Variants in GRID1 observed in about 807,000 individuals in gnomAD.
The protein encoded by GRID1 is glutamate receptor ionotropic, delta-1.
GRID1 carries 28 observed loss-of-function variants against 98.0 expected under a neutral mutation model. The ratio of observed to expected loss-of-function variants is 0.29; its 90% confidence interval spans 0.21 to 0.39. The LOEUF is 0.39. GRID1 is among the 10% of genes least tolerant of loss of function. The pLI is 1.00. For synonymous variants in GRID1, 553 were observed against 538.5 expected, an observed-to-expected ratio of 1.03 and a Z score of -0.37; for missense variants, 1,111 against 1,340.5, an observed-to-expected ratio of 0.83 and a Z score of 2.67.
intron 14 of GRID1, among the ~76,000 whole-genome samples, chr10:85,614,755 G>A (rs1321651405): frequency 6.6e-6 from 1 of 152,126 alleles, no homozygotes; most frequent in East Asian, 1.9e-4. Context: ...GGGCATGAGA[G>A]GCAGTTTCGA....
chr10:86,120,720 A>T (rs1197833909), intron 4 of GRID1, among the ~76,000 whole-genome samples: 1 of 152,234 alleles, frequency 6.6e-6, no homozygotes, highest in African/African-American at 2.4e-5. Flanking sequence ...ATTAATGTCA[A>T]GGTATTGTCA....
intron 2 of GRID1, among the ~76,000 whole-genome samples, chr10:86,300,592 T>G (rs1564732986): frequency 6.7e-6 from 1 of 148,888 alleles, no homozygotes; most frequent in Non-Finnish European, 1.5e-5. Flanking sequence ...GAGCTTTTCC[T>G]TAAATAGAGT....
chr10:85,789,603 C>T (rs946461718), intron 8 of GRID1, among the ~76,000 whole-genome samples: 1 of 152,146 alleles, frequency 6.6e-6, no homozygotes, highest in African/African-American at 2.4e-5. Context: ...TCAGAGGATG[C>T]CCTTTCAGCT....
intron 8 of GRID1, among the ~76,000 whole-genome samples, chr10:85,739,798 G>A (rs914840600): frequency 6.6e-6 from 1 of 152,114 alleles, no homozygotes; most frequent in Non-Finnish European, 1.5e-5. Flanking sequence ...GGGAAAAATA[G>A]ATTACATAAC....
chr10:85,876,333 T>G (rs763842448), intron 5 of GRID1, among the ~76,000 whole-genome samples: 2 of 152,140 alleles, frequency 1.3e-5, no homozygotes, highest in African/African-American at 2.4e-5. Flanking sequence ...ATTCCCTGGC[T>G]TGTAGCTGCA....
At chr10:86,161,316 G>T (rs536417315) in intron 3 of GRID1, among the ~76,000 whole-genome samples, 4 of 152,118 alleles carry the variant, frequency 2.6e-5, no homozygotes, top group African/African-American at 9.7e-5. Flanking sequence ...GCCTGCATAG[G>T]GGGTGGTGTA....
At chr10:85,914,871 T>C (rs528182798) in intron 5 of GRID1, among the ~76,000 whole-genome samples, 1 of 152,246 alleles carries the variant, frequency 6.6e-6, no homozygotes, top group Non-Finnish European at 1.5e-5. Context: ...CAGGAACACA[T>C]TCTGAGTCAG....
intron 2 of GRID1, among the ~76,000 whole-genome samples, chr10:86,334,678 G>C (rs1848199200): frequency 6.6e-6 from 1 of 152,196 alleles, no homozygotes; most frequent in Admixed American, 6.5e-5. Flanking sequence ...GGACATAGGG[G>C]AGAAAAATGC....
chr10:86,363,918 C>A, intron 2 of GRID1, 23 bp downstream of exon 2: 2 of 1,608,090 alleles, frequency 1.2e-6, no homozygotes, highest in South Asian at 2.2e-5. Context: ...TCCCAGTGGG[C>A]CCTGGGCACA....
At chr10:85,673,151 A>T (rs1841106592) in intron 12 of GRID1, among the ~76,000 whole-genome samples, 1 of 152,218 alleles carries the variant, frequency 6.6e-6, no homozygotes, top group Non-Finnish European at 1.5e-5. Flanking sequence ...GAGAACTAGA[A>T]TTAGAAAGGG....
intron 6 of GRID1, among the ~76,000 whole-genome samples, chr10:85,859,292 G>C (rs1182807783): frequency 1.3e-5 from 2 of 152,204 alleles, no homozygotes; most frequent in Non-Finnish European, 2.9e-5. Flanking sequence ...TGGAAGGATA[G>C]ATGAGTGTGT....
intron 2 of GRID1, among the ~76,000 whole-genome samples, chr10:86,250,296 C>T (rs990611306): frequency 6.6e-5 from 10 of 152,180 alleles, no homozygotes; most frequent in African/African-American, 2.4e-4. Context: ...GCTGAGGTAC[C>T]TCTCCAGCTT....
intron 3 of GRID1, among the ~76,000 whole-genome samples, chr10:86,184,461 CTTTTT>C (rs1198471392): frequency 8.1e-6 from 1 of 123,042 alleles, no homozygotes; most frequent in Admixed American, 8.4e-5. Context: ...TTTCTTTTTT[CTTTTT>C]TTTTTTTTTT....
chr10:86,100,635 T>C lies in GRID1; in HGVS notation c.726+38184A>G, dbSNP rs527553195. ...CCCTCATTGGGAAGGTGATGGGGAC[T>C]GTTTGGATTATTGGTAATATTCACT... is the stretch of plus-strand genomic sequence containing the variant. On this transcript the variant is annotated intron_variant, in intron 4 of 15. Coordinates refer to ENST00000327946, the MANE Select transcript of GRID1 (RefSeq NM_017551.3). Among the ~76,000 whole-genome samples the C allele has an allele frequency of 1.2e-3, 176 of 152,286 alleles. 1 individual carries two copies. Among genetic ancestry groups the C allele is most frequent in the African/African-American group, 4.1e-3 (171 of 41,560 alleles).
intron 4 of GRID1, among the ~76,000 whole-genome samples, chr10:85,966,677 G>C (rs1842340495): frequency 6.6e-6 from 1 of 152,046 alleles, no homozygotes; most frequent in South Asian, 2.1e-4. Context: ...AGCTGGACAT[G>C]GTGGTGTGTA....
At chr10:85,753,215 C>A (rs1375337331) in intron 8 of GRID1, among the ~76,000 whole-genome samples, 2 of 152,136 alleles carry the variant, frequency 1.3e-5, no homozygotes, top group African/African-American at 4.8e-5. Flanking sequence ...TTTAGAAATT[C>A]ATTTTATTAT....
intron 4 of GRID1, among the ~76,000 whole-genome samples, chr10:86,045,584 G>T (rs1843411474): frequency 6.6e-6 from 1 of 152,158 alleles, no homozygotes; most frequent in Non-Finnish European, 1.5e-5. Context: ...TGGGGCTCCT[G>T]AGACCCTCTG....
At chr10:85,930,864 C>CA (rs1841842217) in intron 4 of GRID1, among the ~76,000 whole-genome samples, 1 of 152,020 alleles carries the variant, frequency 6.6e-6, no homozygotes. Flanking sequence ...TTTTTTTAGA[C>CA]AGAGTCTCAC....
chr10:85,757,319 A>G (rs552964517), intron 8 of GRID1, among the ~76,000 whole-genome samples: 49 of 152,378 alleles, frequency 3.2e-4, no homozygotes, highest in African/African-American at 1.0e-3. Flanking sequence ...CCGAATGCTT[A>G]TATGGCTACT....
Sources: allele counts gnomAD v4.1 joint callset (sites outside exome capture counted in the v4.1 genomes callset), GRCh38; gene constraint gnomAD v4.1.1; transcripts MANE v1.5; gene names NCBI Gene and HGNC (gene_info 2026-07-23, HGNC 2026-07-21).